FABP12: variants seen among roughly 807,000 people sequenced by gnomAD.
FABP12 encodes the protein fatty acid binding protein 12.
In FABP12, 19 loss-of-function variants were observed where a neutral mutation model predicts 13.7. That is an observed-to-expected ratio of 1.39 (90% CI 0.97 to 2.04). The LOEUF (loss-of-function observed/expected upper bound fraction) is 2.04, where lower values mean the gene tolerates loss of function less well. Among genes scored for constraint, FABP12 ranks in the 30% most tolerant of loss-of-function variants. The pLI is 0.00. For synonymous variants in FABP12, 61 were observed against 57.0 expected (o/e 1.07, Z -0.32); for missense variants, 182 against 164.2 (o/e 1.11, Z -0.59).
At chr8:81,587,257 G>T (rs987111491) in intron 1 of FABP12, among the ~76,000 whole-genome samples, 1 of 152,026 alleles carries the variant, frequency 6.6e-6, no homozygotes, top group African/African-American at 2.4e-5. Context: ...TTTTCTTTAG[G>T]ATTGCTTTGG....
chr8:81,528,892 G>T (rs1195770767), intron 3 of FABP12, among the ~76,000 whole-genome samples: 1 of 152,054 alleles, frequency 6.6e-6, no homozygotes, highest in African/African-American at 2.4e-5. Flanking sequence ...TTTTGGCATG[G>T]ATCCCTGAGA....
intron 1 of FABP12, among the ~76,000 whole-genome samples, chr8:81,546,212 G>A (rs1563548208): frequency 6.6e-6 from 1 of 152,148 alleles, no homozygotes; most frequent in Non-Finnish European, 1.5e-5. Flanking sequence ...TCTGTTTCTT[G>A]CCAATCAATT....
intron 1 of FABP12, among the ~76,000 whole-genome samples, chr8:81,560,567 T>C (rs1330880785): frequency 1.3e-5 from 2 of 152,196 alleles, no homozygotes; most frequent in African/African-American, 4.8e-5. Context: ...GTGGATTGTA[T>C]TCAGCCAGAG....
At chr8:81,531,918 G>A (rs1463135455) in intron 1 of FABP12, among the ~76,000 whole-genome samples, 2 of 150,716 alleles carry the variant, frequency 1.3e-5, no homozygotes, top group Non-Finnish European at 2.9e-5. Context: ...AAAAAGAAAG[G>A]AAAGAGATCA....
intron 1 of FABP12, among the ~76,000 whole-genome samples, chr8:81,542,734 C>A (rs566436595): frequency 1.5e-4 from 23 of 152,338 alleles, no homozygotes; most frequent in African/African-American, 5.3e-4. Flanking sequence ...CCATTTCTAA[C>A]TTTTATGTGT....
intron 1 of FABP12, among the ~76,000 whole-genome samples, chr8:81,582,264 A>T (rs1215646094): frequency 2.6e-5 from 4 of 151,560 alleles, no homozygotes; most frequent in Non-Finnish European, 1.5e-5. Flanking sequence ...CTGAGACTAC[A>T]GGCGTACTCC....
chr8:81,528,433 G>A lies in FABP12; in HGVS notation c.246+1005C>T, dbSNP rs556897715. Among the ~76,000 whole-genome samples the A allele has an allele frequency of 5.9e-5, 9 of 152,202 alleles. No homozygotes were observed. In the East Asian group the frequency reaches 9.7e-4, roughly 16 times the overall value. ...AATTTAGCATAGAAATCCATATTAAGCATTTAAGTCAAAAATTTTCTTCCA... is the reference window on the plus strand; with the variant it reads ...AATTTAGCATAGAAATCCATATTAAACATTTAAGTCAAAAATTTTCTTCCA... On this transcript the variant is annotated intron_variant, in intron 3 of 4. Transcript: ENST00000360464.
chr8:81,573,402 T>C (rs1809970110), intron 1 of FABP12, among the ~76,000 whole-genome samples: 1 of 152,196 alleles, frequency 6.6e-6, no homozygotes, highest in Non-Finnish European at 1.5e-5. Context: ...AGATTTGTTA[T>C]TTTTGCTTAG....
chr8:81,567,851 G>T (rs1276226143), intron 1 of FABP12, among the ~76,000 whole-genome samples: 3 of 151,870 alleles, frequency 2.0e-5, no homozygotes, highest in African/African-American at 7.3e-5. Context: ...GCCGGGCGCG[G>T]TGGCTCACGC....
At chr8:81,583,071 T>C (rs893683574) in intron 1 of FABP12, among the ~76,000 whole-genome samples, 9 of 152,084 alleles carry the variant, frequency 5.9e-5, no homozygotes, top group Non-Finnish European at 1.3e-4. Context: ...TATACACATA[T>C]ATGAAAATTA....
chr8:81,552,164 C>T (rs1009997613), intron 1 of FABP12, among the ~76,000 whole-genome samples: 1 of 152,030 alleles, frequency 6.6e-6, no homozygotes, highest in South Asian at 2.1e-4. Context: ...GAGAAAGTGA[C>T]ATTTAAGCAA....
upstream of FABP12, among the ~76,000 whole-genome samples, chr8:81,534,743 G>A (rs1809179579): frequency 6.6e-6 from 1 of 152,094 alleles, no homozygotes; most frequent in Admixed American, 6.5e-5. Context: ...AGGAGTTTGA[G>A]ACCATCCTAG....
At chr8:81,586,918 C>T (rs1303291663) in intron 1 of FABP12, among the ~76,000 whole-genome samples, 1 of 152,012 alleles carries the variant, frequency 6.6e-6, no homozygotes, top group Non-Finnish European at 1.5e-5. Flanking sequence ...GGATTTTTAT[C>T]GTTTTGGGTT....
At chr8:81,559,550 C>A (rs533148249) in intron 1 of FABP12, among the ~76,000 whole-genome samples, 1 of 152,164 alleles carries the variant, frequency 6.6e-6, no homozygotes, top group Non-Finnish European at 1.5e-5. Flanking sequence ...TCTGCCTTGC[C>A]ACGTAGCTTC....
intron 1 of FABP12, among the ~76,000 whole-genome samples, chr8:81,574,499 G>C (rs1809997010): frequency 6.6e-6 from 1 of 151,986 alleles, no homozygotes; most frequent in Non-Finnish European, 1.5e-5. Context: ...TTCTTTCTCT[G>C]TCTTGTAGAA....
intron 1 of FABP12, among the ~76,000 whole-genome samples, chr8:81,543,587 C>T (rs1022291861): frequency 2.0e-5 from 3 of 152,062 alleles, no homozygotes; most frequent in African/African-American, 7.2e-5. Context: ...TTCTCATTAA[C>T]CTATAAGTAT....
At chr8:81,545,707 G>A (rs543991933) in intron 1 of FABP12, among the ~76,000 whole-genome samples, 101 of 152,154 alleles carry the variant, frequency 6.6e-4, no homozygotes, top group African/African-American at 2.2e-3. Context: ...TAATTACTTC[G>A]AAAACTGGTT....
Position 81,588,492 on chromosome 8 carries a change from T to C in FABP12, c.-185+1561A>G, listed in dbSNP as rs1462625566. Among the ~76,000 whole-genome samples the C allele has an allele frequency of 2.6e-5, 4 of 152,346 alleles. No individual in the cohort carries two copies. The South Asian group carries it at 6.2e-4, about 24-fold the overall frequency. On this transcript the variant is annotated intron_variant, in intron 1 of 5. Coordinates refer to the FABP12 transcript ENST00000692030. ...TGTATAAATGCTACTGATTTTTGTA[T>C]GTTAATTTTGTATACTGCAACTTTA...
chr8:81,531,394 G>T lies in FABP12; in HGVS notation c.-75-4C>A. On this transcript the variant is annotated splice_region_variant and splice_polypyrimidine_tract_variant and intron_variant, in intron 1 of 4. Coordinates refer to ENST00000360464, the Ensembl canonical transcript of FABP12. ...TTTCCCTGAAGTAGTATGGGAACTT[G>T]TTTTTAATACAATTTTGGGTAGAGA... The T allele has an allele frequency of 1.1e-6, 1 of 911,238 alleles. No homozygotes were observed. The highest frequency in any genetic ancestry group is 1.7e-6 in the Non-Finnish European group (1 of 602,130). 56.4% of individuals were successfully genotyped at this position (911,238 alleles called of 1,614,324 possible). A position where few individuals can be genotyped will look rare whatever the true frequency, so the allele number is the denominator to read the frequency against.
Sources: gnomAD v4.1 joint callset for allele counts (sites outside exome capture counted in the v4.1 genomes callset) on GRCh38, gnomAD v4.1.1 for gene constraint, MANE v1.5 for transcripts, NCBI Gene and HGNC (gene_info 2026-07-23, HGNC 2026-07-21) for gene names.